FBXL13: variants seen among roughly 807,000 people sequenced by gnomAD.
The protein encoded by FBXL13 is F-box and leucine-rich repeat protein 13.
In FBXL13, 67 loss-of-function variants were observed where a neutral mutation model predicts 83.6. The observed-to-expected ratio is 0.80, with a 90% CI of 0.66 to 0.98. FBXL13 has a LOEUF of 0.98. FBXL13 is among the 50% of genes least tolerant of loss of function. FBXL13 has a pLI of 0.00. For missense variants in FBXL13, 822 were observed against 866.5 expected, an observed-to-expected ratio of 0.95 and a Z score of 0.64; for synonymous variants, 272 against 299.5, an observed-to-expected ratio of 0.91 and a Z score of 0.95.
chr7:102,827,199 A>C (rs1360293820), intron 18 of FBXL13: 7 of 450,344 alleles, frequency 1.6e-5, no homozygotes, highest in Non-Finnish European at 2.7e-5. Context: ...GAAGCAGCTC[A>C]GCTAGCTTGC....
chr7:103,062,785 A>C (rs78661560), intron 1 of FBXL13, among the ~76,000 whole-genome samples: 1 of 152,360 alleles, frequency 6.6e-6, no homozygotes, highest in East Asian at 1.9e-4. Flanking sequence ...TCAATGTATA[A>C]TCTCATCCCA....
intron 2 of FBXL13, among the ~76,000 whole-genome samples, chr7:103,043,234 T>G (rs958170554): frequency 6.6e-6 from 1 of 152,172 alleles, no homozygotes; most frequent in African/African-American, 2.4e-5. Flanking sequence ...TCATCATCAC[T>G]GGTCATCAGA....
chr7:102,934,419 G>C, intron 8 of FBXL13: 2 of 1,614,194 alleles, frequency 1.2e-6, no homozygotes, highest in Non-Finnish European at 1.7e-6. Flanking sequence ...CACTGTACTT[G>C]TGAGATAGAA....
intron 11 of FBXL13, among the ~76,000 whole-genome samples, chr7:102,892,682 A>G (rs980578110): frequency 2.0e-5 from 3 of 152,236 alleles, no homozygotes; most frequent in Non-Finnish European, 4.4e-5. Context: ...CAATTTTTTT[A>G]ACCATATGTA....
intron 8 of FBXL13, among the ~76,000 whole-genome samples, chr7:102,945,297 AG>A (rs1165126872): frequency 5.9e-5 from 9 of 152,196 alleles, no homozygotes; most frequent in Non-Finnish European, 7.3e-5. Flanking sequence ...AGCCCTGAAG[AG>A]GTATAAACAC....
intron 17 of FBXL13, among the ~76,000 whole-genome samples, chr7:102,837,269 G>A (rs574132900): frequency 6.6e-6 from 1 of 152,288 alleles, no homozygotes; most frequent in Non-Finnish European, 1.5e-5. Context: ...TGCCACTCTT[G>A]CATTCCCACC....
chr7:103,063,274 T>A (rs1019393451), intron 1 of FBXL13, among the ~76,000 whole-genome samples: 1 of 152,198 alleles, frequency 6.6e-6, no homozygotes, highest in African/African-American at 2.4e-5. Context: ...ACTAAACACA[T>A]ACAGAATGTT....
chr7:103,017,666 A>G (rs867129826), intron 6 of FBXL13, among the ~76,000 whole-genome samples: 18 of 152,362 alleles, frequency 1.2e-4, no homozygotes, highest in South Asian at 8.3e-4. Flanking sequence ...CACGAGAAAT[A>G]TGTGACACAT....
intron 6 of FBXL13, among the ~76,000 whole-genome samples, chr7:103,002,710 G>A (rs1370219409): frequency 2.0e-5 from 3 of 152,176 alleles, no homozygotes; most frequent in Non-Finnish European, 4.4e-5. Flanking sequence ...TTCTACTTCA[G>A]CAATTTGAAC....
chr7:102,825,496 A>T (rs576896630), intron 18 of FBXL13, among the ~76,000 whole-genome samples: 1 of 152,324 alleles, frequency 6.6e-6, no homozygotes, highest in Admixed American at 6.5e-5. Flanking sequence ...AGCCTCCAGA[A>T]ATGTAATATT....
At chr7:103,054,185 G>C (rs2129495903) in intron 2 of FBXL13, among the ~76,000 whole-genome samples, 1 of 87,944 alleles carries the variant, frequency 1.1e-5, no homozygotes, top group East Asian at 2.8e-4. Context: ...AGGAGTTCGA[G>C]ACCAGCCTGG....
At chr7:102,991,514 G>C (rs1266302275) in intron 6 of FBXL13, among the ~76,000 whole-genome samples, 3 of 152,162 alleles carry the variant, frequency 2.0e-5, no homozygotes, top group African/African-American at 7.2e-5. Context: ...TATAGGAAAG[G>C]AGTGAGTCAA....
chr7:102,848,282 C>T (rs1315657825), intron 17 of FBXL13, among the ~76,000 whole-genome samples: 1 of 46,532 alleles, frequency 2.1e-5, no homozygotes, highest in Admixed American at 1.6e-4. Context: ...CGAGGCCGGG[C>T]GCGGTGGCTC....
chr7:102,987,093 G>A (rs145961355), intron 6 of FBXL13, among the ~76,000 whole-genome samples: 2 of 152,148 alleles, frequency 1.3e-5, no homozygotes, highest in African/African-American at 4.8e-5. Flanking sequence ...GTAAGTGGGA[G>A]CTAAGCTATG....
intron 6 of FBXL13, among the ~76,000 whole-genome samples, chr7:102,970,688 A>G (rs1826542680): frequency 6.6e-6 from 1 of 152,248 alleles, no homozygotes; most frequent in South Asian, 2.1e-4. Context: ...AAAGTGATGA[A>G]GACATAAAAA....
intron 2 of FBXL13, among the ~76,000 whole-genome samples, chr7:103,040,894 C>A (rs144398887): frequency 0.035 from 5,402 of 152,214 alleles, 294 homozygotes; most frequent in African/African-American, 0.12. Flanking sequence ...CTAAAATCGA[C>A]ACCCTAAAAT....
intron 19 of FBXL13, among the ~76,000 whole-genome samples, chr7:102,817,152 A>C (rs558921500): frequency 6.6e-6 from 1 of 152,154 alleles, no homozygotes; most frequent in Non-Finnish European, 1.5e-5. Flanking sequence ...TGAAATGGTA[A>C]TTCTATTTTA....
chr7:103,053,822 C>T (rs935114260), intron 2 of FBXL13, among the ~76,000 whole-genome samples: 14 of 152,200 alleles, frequency 9.2e-5, no homozygotes, highest in Non-Finnish European at 1.8e-4. Context: ...AACACCTACA[C>T]ACCATGATGC....
intron 5 of FBXL13, among the ~76,000 whole-genome samples, chr7:103,025,687 TAATA>T (rs1410634428): frequency 1.3e-5 from 2 of 152,190 alleles, no homozygotes; most frequent in Middle Eastern, 3.2e-3. Flanking sequence ...GAAAACTGTG[TAATA>T]AATAAAGGTA....
Sources: gnomAD v4.1 joint callset for allele counts (sites outside exome capture counted in the v4.1 genomes callset) on GRCh38, gnomAD v4.1.1 for gene constraint, MANE v1.5 for transcripts, NCBI Gene and HGNC (gene_info 2026-07-23, HGNC 2026-07-21) for gene names.